The following PIP4K2A variants were observed in gnomAD, a reference collection of about 807,000 sequenced individuals.
PIP4K2A encodes phosphatidylinositol-5-phosphate 4-kinase type 2 alpha, also known as phosphatidylinositol 5-phosphate 4-kinase type-2 alpha.
Under a neutral mutation model 42.9 loss-of-function variants are expected in PIP4K2A, and 14 were observed. That is an observed-to-expected ratio of 0.33 (90% confidence interval 0.22 to 0.51). The LOEUF is 0.51. PIP4K2A is among the 20% of genes least tolerant of loss of function. PIP4K2A has a pLI of 0.97. For missense variants in PIP4K2A, 434 were observed against 519.8 expected (o/e 0.83, Z 1.61); for synonymous variants, 192 against 192.2 (o/e 1.00, Z 0.01).
intron 1 of PIP4K2A, among the ~76,000 whole-genome samples, chr10:22,662,931 C>T (rs1839231316): frequency 6.6e-6 from 1 of 152,218 alleles, no homozygotes; most frequent in Non-Finnish European, 1.5e-5. Flanking sequence ...AGCAATGCAG[C>T]CCCCACGCAG....
At position 22,573,216 on chromosome 10, in the gene PIP4K2A, C is replaced by A. The variant is rs1225627851; in HGVS notation, c.639+95G>T. ...TTGTCTGGTAGCTTTAAGTGCTGAG[C>A]GGCTCCTAAGCATTTCTGATGATCA... is the stretch of plus-strand genomic sequence containing the variant. On this transcript the variant is annotated intron_variant, in intron 5 of 9. Coordinates refer to ENST00000376573, the MANE Select transcript of PIP4K2A (RefSeq NM_005028.5). The A allele has an allele frequency of 6.3e-6, 7 of 1,104,120 alleles. No homozygotes were observed. In the South Asian group the frequency reaches 8.5e-5, roughly 13 times the overall value. 68.4% of individuals were successfully genotyped at this position (1,104,120 alleles called of 1,614,324 possible).
At chr10:22,658,663 A>T (rs1344763902) in intron 1 of PIP4K2A, among the ~76,000 whole-genome samples, 1 of 152,198 alleles carries the variant, frequency 6.6e-6, no homozygotes, top group African/African-American at 2.4e-5. Flanking sequence ...GTGGGATCAT[A>T]TGGTTGCTGC....
chr10:22,709,974 T>A (rs1833885749), intron 1 of PIP4K2A, among the ~76,000 whole-genome samples: 1 of 151,950 alleles, frequency 6.6e-6, no homozygotes, highest in Admixed American at 6.6e-5. Context: ...TTATGTCCTA[T>A]TCAGTCAAAG....
At chr10:22,579,279 C>T (rs898652276) in intron 4 of PIP4K2A, among the ~76,000 whole-genome samples, 11 of 152,134 alleles carry the variant, frequency 7.2e-5, no homozygotes, top group Non-Finnish European at 1.3e-4. Flanking sequence ...TCCAGCATCA[C>T]GGGAGAAACA....
chr10:22,537,908 C>T (rs1835978579), intron 9 of PIP4K2A, among the ~76,000 whole-genome samples: 1 of 152,210 alleles, frequency 6.6e-6, no homozygotes. Context: ...GAGCTGACTT[C>T]CCTCTGCAGC....
chr10:22,693,747 C>T (rs947799327), intron 1 of PIP4K2A, among the ~76,000 whole-genome samples: 6 of 152,064 alleles, frequency 3.9e-5, no homozygotes, highest in African/African-American at 7.2e-5. Context: ...TTCTGGTCCT[C>T]GCTCTATCAC....
chr10:22,591,008 G>T (rs1564433527), intron 4 of PIP4K2A, among the ~76,000 whole-genome samples: 1 of 152,214 alleles, frequency 6.6e-6, no homozygotes, highest in African/African-American at 2.4e-5. Flanking sequence ...CTGGGCCTTG[G>T]GAACATGTGC....
intron 1 of PIP4K2A, among the ~76,000 whole-genome samples, chr10:22,621,232 C>A (rs1410790156): frequency 6.6e-6 from 1 of 152,176 alleles, no homozygotes; most frequent in Non-Finnish European, 1.5e-5. Context: ...AGAAACCAAT[C>A]AATCCCCTAA....
chr10:22,703,004 G>A (rs919265074), intron 1 of PIP4K2A, among the ~76,000 whole-genome samples: 1 of 152,174 alleles, frequency 6.6e-6, no homozygotes, highest in Non-Finnish European at 1.5e-5. Flanking sequence ...GAAAATAACA[G>A]TATGATAGTG....
chr10:22,571,416 A>G (rs1836984901), intron 5 of PIP4K2A, among the ~76,000 whole-genome samples: 1 of 152,216 alleles, frequency 6.6e-6, no homozygotes, highest in African/African-American at 2.4e-5. Context: ...CCTGGGCCTG[A>G]CCGCTTCCCA....
chr10:22,543,410 T>C (rs1836178593), intron 7 of PIP4K2A, among the ~76,000 whole-genome samples: 4 of 152,194 alleles, frequency 2.6e-5, no homozygotes, highest in South Asian at 4.1e-4. Context: ...CACACAAATC[T>C]TACACTCAAA....
At chr10:22,647,828 T>C (rs1838914280) in intron 1 of PIP4K2A, among the ~76,000 whole-genome samples, 1 of 152,204 alleles carries the variant, frequency 6.6e-6, no homozygotes, top group South Asian at 2.1e-4. Flanking sequence ...AGCGACCCTT[T>C]GGGATTTTAC....
chr10:22,672,561 G>A (rs1588698960), intron 1 of PIP4K2A, among the ~76,000 whole-genome samples: 1 of 152,210 alleles, frequency 6.6e-6, no homozygotes, highest in African/African-American at 2.4e-5. Flanking sequence ...AGCCAGATCT[G>A]TGGGGCATCT....
At chr10:22,566,788 C>A (rs1331082501) in intron 6 of PIP4K2A, among the ~76,000 whole-genome samples, 1 of 152,192 alleles carries the variant, frequency 6.6e-6, no homozygotes, top group Non-Finnish European at 1.5e-5. Flanking sequence ...CTTGACCCTG[C>A]CCAGCCTGAG....
chr10:22,604,807 C>A (rs1031433022), intron 3 of PIP4K2A, among the ~76,000 whole-genome samples: 3 of 152,144 alleles, frequency 2.0e-5, no homozygotes, highest in African/African-American at 7.2e-5. Context: ...AGTCATTTGG[C>A]GCCACATGTG....
At chr10:22,714,019 G>T in intron 1 of PIP4K2A, 164 bp downstream of exon 1, 1 of 670,966 alleles carries the variant, frequency 1.5e-6, no homozygotes, top group Non-Finnish European at 2.4e-6. Context: ...CAGAGGGCTG[G>T]GGGCACGCGC....
chr10:22,694,946 G>A (rs1176964531), intron 1 of PIP4K2A, among the ~76,000 whole-genome samples: 1 of 152,188 alleles, frequency 6.6e-6, no homozygotes. Context: ...TGGACAGTGT[G>A]AAAATGAGAA....
chr10:22,589,237 G>A (rs762611623), intron 4 of PIP4K2A, among the ~76,000 whole-genome samples: 1 of 152,174 alleles, frequency 6.6e-6, no homozygotes, highest in Non-Finnish European at 1.5e-5. Flanking sequence ...AGTATAAAGA[G>A]AATGCATAAG....
intron 7 of PIP4K2A, among the ~76,000 whole-genome samples, chr10:22,545,630 G>C (rs543233105): frequency 6.6e-6 from 1 of 152,252 alleles, no homozygotes. Context: ...GATGCAAAAT[G>C]CATCTCTAGG....
Sources: allele counts gnomAD v4.1 joint callset (sites outside exome capture counted in the v4.1 genomes callset), GRCh38; gene constraint gnomAD v4.1.1; transcripts MANE v1.5; gene names NCBI Gene and HGNC (gene_info 2026-07-23, HGNC 2026-07-21).